Variants in CKM observed in about 807,000 individuals in gnomAD.
CKM encodes creatine kinase, M-type, also known as creatine kinase M-type.
In CKM, 28 loss-of-function variants were observed where a neutral mutation model predicts 35.4. The observed-to-expected ratio is 0.79, with a 90% CI of 0.59 to 1.08. CKM has a LOEUF of 1.08. Ranked by LOEUF, CKM falls within the 50% of genes least tolerant of loss-of-function variation. The pLI, the probability that CKM is intolerant of heterozygous loss-of-function variation, is 0.00. For synonymous variants in CKM, 215 were observed against 204.4 expected, an observed-to-expected ratio of 1.05 and a Z score of -0.44; for missense variants, 484 against 509.8, an observed-to-expected ratio of 0.95 and a Z score of 0.49.
At position 45,319,571 on chromosome 19, in the gene CKM, G is replaced by GC. The variant is rs1971192664; in HGVS notation, c.142_143insG (p.Pro48ArgfsTer31). ...GACATCGTCTACAGTGAAGCCAGAT[G>GC]GAGTCTCCTTGTCCCGCAGCTTCTT... On this transcript the variant is annotated frameshift_variant, in exon 2 of 8. Coordinates refer to ENST00000221476, the MANE Select transcript of CKM (RefSeq NM_001824.5). LOFTEE classifies it high-confidence loss of function. 1 of 1,613,996 alleles carries GC rather than the reference G, an allele frequency of 6.2e-7. No homozygotes were observed. The highest frequency in any genetic ancestry group is 1.7e-5 in the Admixed American group (1 of 59,982).
intron 7 of CKM, among the ~76,000 whole-genome samples, 184 bp from the exon 8 acceptor site, chr19:45,307,112 C>T (rs1340862365): frequency 2.0e-5 from 3 of 152,204 alleles, no homozygotes; most frequent in Non-Finnish European, 4.4e-5. Context: ...TGGGGTACCA[C>T]GCCACTCAGT....
At chr19:45,311,705 G>A (rs1971111110) in intron 5 of CKM, 44 bp downstream of exon 5, 2 of 1,514,096 alleles carry the variant, frequency 1.3e-6, no homozygotes, top group African/African-American at 1.4e-5. Flanking sequence ...AGGACTGGAG[G>A]AGGCTGGGGG....
intron 4 of CKM, among the ~76,000 whole-genome samples, 198 bp from the exon 5 acceptor site, chr19:45,312,118 C>T (rs1846315547): frequency 6.6e-6 from 1 of 152,188 alleles, no homozygotes; most frequent in African/African-American, 2.4e-5. Flanking sequence ...TGTCCAGGCC[C>T]CCAGGAATGG....
chr19:45,308,471 A>T lies in CKM; in HGVS notation c.715T>A (p.Ser239Thr), dbSNP rs1248268129. The T allele has an allele frequency of 3.1e-6, 5 of 1,614,002 alleles. No homozygotes were observed. The highest frequency in any genetic ancestry group is 4.2e-6 in the Non-Finnish European group (5 of 1,180,002). Residue 239 changes from serine to threonine, a missense_variant, in exon 6 of 8, where the codon TCC (serine) becomes ACC (threonine). Ser to Thr is a moderately conservative substitution (Grantham distance 58). Transcript: ENST00000221476. The stretch of plus-strand genomic sequence containing the variant: ...TTCATGTTGCCCCCCTTCTCCATGG[A>T]GATGACCCGGAGGTGATCCTCCTCG... ...VNEEDHLRVI[S>T]MEKGGNMKEV...
chr19:45,316,775 T>A (rs1395639905), intron 3 of CKM, among the ~76,000 whole-genome samples: 1 of 151,914 alleles, frequency 6.6e-6, no homozygotes, highest in Non-Finnish European at 1.5e-5. Flanking sequence ...CCCCACCCTT[T>A]TTTTTTTAGG....
intron 5 of CKM, among the ~76,000 whole-genome samples, chr19:45,309,415 A>T (rs1971086534): frequency 6.6e-6 from 1 of 151,522 alleles, no homozygotes; most frequent in Non-Finnish European, 1.5e-5. Flanking sequence ...ATTAGCAGGC[A>T]TGGTGGGACA....
chr19:45,319,626 T>C lies in CKM; in HGVS notation c.88A>G (p.Met30Val). ...YPDLSKHNNH[M>V]AKVLTLELYK... ...AGTTCAAGGGTCAGTACCTTGGCCA[T>C]GTGGTTGTTATGTTTGCTGAGGTCG... is the stretch of plus-strand genomic sequence containing the variant. Residue 30 changes from methionine to valine, a missense_variant, in exon 2 of 8, where the codon ATG (methionine) becomes GTG (valine). By Grantham distance (21) the Met-to-Val change is conservative. Coordinates refer to ENST00000221476, the MANE Select transcript of CKM (RefSeq NM_001824.5). The C allele has an allele frequency of 6.2e-7, 1 of 1,613,976 alleles. No individual in the cohort carries two copies. Among genetic ancestry groups the C allele is most frequent in the Admixed American group, 1.7e-5 (1 of 60,000 alleles).
intron 5 of CKM, 55 bp from the exon 6 acceptor site, chr19:45,308,587 T>C: frequency 6.2e-7 from 1 of 1,610,864 alleles, no homozygotes; most frequent in Non-Finnish European, 8.5e-7. Context: ...GGGAACCCCA[T>C]TCCCAGCCCT....
chr19:45,319,494 C>T lies in CKM; in HGVS notation c.193+27G>A, dbSNP rs759599535. 8 of 1,597,796 alleles carry T rather than the reference C, an allele frequency of 5.0e-6. No individual in the cohort carries two copies. In the Admixed American group the frequency reaches 1.0e-4, roughly 20 times the overall value. ...AGCCTCCAGAGCCCCCATGTAGCCCCTTCAGTGCTCCACTGGGGAGGCTCA... is the reference window on the plus strand; with the variant it reads ...AGCCTCCAGAGCCCCCATGTAGCCCTTTCAGTGCTCCACTGGGGAGGCTCA... On this transcript the variant is annotated intron_variant, in intron 2 of 7. Coordinates refer to ENST00000221476, the MANE Select transcript of CKM (RefSeq NM_001824.5).
Position 45,311,841 on chromosome 19 carries a change from G to GAGCT in CKM, c.557_560dup (p.Ile188AlafsTer4). On this transcript the variant is annotated frameshift_variant, in exon 5 of 8. Coordinates refer to ENST00000221476, the MANE Select transcript of CKM (RefSeq NM_001824.5). LOFTEE classifies it high-confidence loss of function. Reference sequence around the variant, plus strand: ...TGTCGAACAGGAAGTGGTCATCGATGAGCTGCTGCTGCTCCTTCTCCGTCA... The same window carrying GAGCT: ...TGTCGAACAGGAAGTGGTCATCGATGAGCTAGCTGCTGCTGCTCCTTCTCCGTCA... 8 of 1,613,728 alleles carry GAGCT rather than the reference G, an allele frequency of 5.0e-6. No individual in the cohort carries two copies. Among genetic ancestry groups the GAGCT allele is most frequent in the Non-Finnish European group, 6.8e-6 (8 of 1,179,896 alleles).
intron 5 of CKM, among the ~76,000 whole-genome samples, chr19:45,310,937 A>AT (rs71173145): frequency 0.46 from 60,002 of 129,692 alleles, 14,647 homozygotes; most frequent in African/African-American, 0.59. Flanking sequence ...CGCCGGGCTA[A>AT]TTTTTTTTTT....
At chr19:45,308,991 G>T (rs1320874185) in intron 5 of CKM, among the ~76,000 whole-genome samples, 1 of 151,974 alleles carries the variant, frequency 6.6e-6, no homozygotes, top group African/African-American at 2.4e-5. Flanking sequence ...ACTTTGGGAG[G>T]CCGAGGCGGG....
At chr19:45,319,414 G>A (rs1971189602) in intron 2 of CKM, 107 bp downstream of exon 2, 1 of 836,090 alleles carries the variant, frequency 1.2e-6, no homozygotes, top group South Asian at 1.4e-5. Flanking sequence ...TTTTACAGAT[G>A]AGAAAACTGA....
chr19:45,322,243 GC>G (rs1971220161), intron 1 of CKM, among the ~76,000 whole-genome samples: 1 of 149,698 alleles, frequency 6.7e-6, no homozygotes, highest in Non-Finnish European at 1.5e-5. Context: ...TAAGCAGAAA[GC>G]CCCAGAGCCA....
chr19:45,315,065 C>CA (rs2123139643), intron 4 of CKM, among the ~76,000 whole-genome samples: 1 of 152,276 alleles, frequency 6.6e-6, no homozygotes, highest in East Asian at 1.9e-4. Flanking sequence ...GTCTTGGCTT[C>CA]ATGGCACTTT....
chr19:45,308,076 T>C (rs1971071610), intron 6 of CKM, among the ~76,000 whole-genome samples: 1 of 152,066 alleles, frequency 6.6e-6, no homozygotes, highest in Non-Finnish European at 1.5e-5. Context: ...GGTTTCACCA[T>C]GTTGGCCAGG....
intron 5 of CKM, among the ~76,000 whole-genome samples, chr19:45,309,400 A>C (rs1394773159): frequency 6.6e-6 from 1 of 151,646 alleles, no homozygotes; most frequent in East Asian, 1.9e-4. Context: ...TACAAAATTT[A>C]AAAAATTAGC....
intron 1 of CKM, among the ~76,000 whole-genome samples, chr19:45,322,400 C>T (rs963922774): frequency 6.6e-6 from 1 of 152,206 alleles, no homozygotes; most frequent in Non-Finnish European, 1.5e-5. Context: ...CAGTAGCAAA[C>T]GCAAAGAAAG....
Position 45,319,430 on chromosome 19 carries a change from C to A in CKM, c.193+91G>T, listed in dbSNP as rs111899561. 6.0e-6 allele frequency: 6 copies of A among 992,972 alleles called. No individual in the cohort carries two copies. The African/African-American group carries it at 6.5e-5, about 11-fold the overall frequency. 61.5% of individuals were successfully genotyped at this position (992,972 alleles called of 1,614,324 possible). A position where few individuals can be genotyped will look rare whatever the true frequency, so the allele number is the denominator to read the frequency against. On this transcript the variant is annotated intron_variant, in intron 2 of 7. Coordinates refer to ENST00000221476, the MANE Select transcript of CKM (RefSeq NM_001824.5). Reference sequence around the variant, plus strand: ...TTTACAGATGAGAAAACTGAGGCCCCCCCCCCTTCAAGGGTGGTGGGATTG... The same window carrying A: ...TTTACAGATGAGAAAACTGAGGCCCACCCCCCTTCAAGGGTGGTGGGATTG...
Sources: allele counts gnomAD v4.1 joint callset (sites outside exome capture counted in the v4.1 genomes callset), GRCh38; gene constraint gnomAD v4.1.1; transcripts MANE v1.5; gene names NCBI Gene and HGNC (gene_info 2026-07-23, HGNC 2026-07-21).